The following AFF4 variants were observed in gnomAD, a reference collection of about 807,000 sequenced individuals.
AFF4 encodes ALF transcription elongation factor 4, also known as AF4/FMR2 family member 4.
In AFF4, 13 loss-of-function variants were observed where a neutral mutation model predicts 124.8. That is an observed-to-expected ratio of 0.10 (90% CI 0.07 to 0.17). AFF4 has a LOEUF of 0.17. AFF4 is among the 10% of genes least tolerant of loss of function. The pLI, the probability that AFF4 is intolerant of heterozygous loss-of-function variation, is 1.00. For synonymous variants in AFF4, 477 were observed against 496.1 expected, an observed-to-expected ratio of 0.96 and a Z score of 0.51; for missense variants, 1,092 against 1,403.8, an observed-to-expected ratio of 0.78 and a Z score of 3.55.
At chr5:132,890,340 G>C (rs571708950) in intron 13 of AFF4, among the ~76,000 whole-genome samples, 2 of 151,852 alleles carry the variant, frequency 1.3e-5, no homozygotes, top group Non-Finnish European at 2.9e-5. Context: ...TGCAATCATG[G>C]CTCACTGTGG....
chr5:132,920,490 G>C (rs1659055553), intron 5 of AFF4, among the ~76,000 whole-genome samples: 1 of 151,568 alleles, frequency 6.6e-6, no homozygotes, highest in South Asian at 2.1e-4. Flanking sequence ...CAAGTAGCTG[G>C]GACTATAGGT....
chr5:132,936,583 C>G (rs965965325), intron 2 of AFF4, among the ~76,000 whole-genome samples: 1 of 152,114 alleles, frequency 6.6e-6, no homozygotes, highest in Admixed American at 6.6e-5. Context: ...TGATATCACA[C>G]TTAAAGAACA....
At chr5:132,892,495 ATC>A in intron 12 of AFF4, 91 bp from the exon 13 acceptor site, 1 of 1,503,686 alleles carries the variant, frequency 6.7e-7, no homozygotes. Flanking sequence ...TTCAAGACAA[ATC>A]TGTTTTTCCC....
intron 1 of AFF4, chr5:132,945,536 G>C (rs1761677142): frequency 6.6e-6 from 1 of 152,294 alleles, no homozygotes; most frequent in Admixed American, 6.6e-5. Context: ...AGGATCACCT[G>C]AGATCAGGAG....
At chr5:132,946,187 A>G (rs910402318) in intron 1 of AFF4, among the ~76,000 whole-genome samples, 7 of 150,892 alleles carry the variant, frequency 4.6e-5, no homozygotes, top group Non-Finnish European at 1.0e-4. Context: ...GTGAGGATGC[A>G]GACAAATTGT....
chr5:132,930,932 C>CT (rs1332526173), intron 4 of AFF4, among the ~76,000 whole-genome samples: 2 of 90,312 alleles, frequency 2.2e-5, no homozygotes, highest in African/African-American at 3.6e-5. Flanking sequence ...CCTATCTCTA[C>CT]TAAAAAAAAA....
chr5:132,925,434 G>C (rs1761149231), intron 5 of AFF4, among the ~76,000 whole-genome samples: 1 of 151,842 alleles, frequency 6.6e-6, no homozygotes, highest in Non-Finnish European at 1.5e-5. Flanking sequence ...TATAAAGGAA[G>C]AGAAAGATAT....
chr5:132,955,793 A>AT (rs1386924435), intron 1 of AFF4, among the ~76,000 whole-genome samples: 184 of 136,256 alleles, frequency 1.4e-3, no homozygotes, highest in Middle Eastern at 0.011. Flanking sequence ...AAAAAAAAAA[A>AT]AAATATATAT....
chr5:132,948,032 G>C (rs768027555), intron 1 of AFF4, among the ~76,000 whole-genome samples: 11 of 151,648 alleles, frequency 7.3e-5, no homozygotes, highest in Non-Finnish European at 1.6e-4. Context: ...TTCTCAACTC[G>C]TCCCTCAAAG....
At chr5:132,912,205 C>A (rs1053502549) in intron 5 of AFF4, among the ~76,000 whole-genome samples, 9 of 149,304 alleles carry the variant, frequency 6.0e-5, no homozygotes, top group Admixed American at 5.4e-4. Context: ...TTTAGCAGGG[C>A]GTGGTGGCAG....
chr5:132,929,393 G>T (rs1355987406), intron 4 of AFF4, among the ~76,000 whole-genome samples: 1 of 152,122 alleles, frequency 6.6e-6, no homozygotes. Context: ...ATCATTAAAT[G>T]TAAGAAAATC....
intron 2 of AFF4, among the ~76,000 whole-genome samples, chr5:132,936,390 G>T (rs759347406): frequency 1.3e-5 from 2 of 150,510 alleles, no homozygotes; most frequent in Non-Finnish European, 2.9e-5. Flanking sequence ...GTTAGAAGCA[G>T]AAACAAAAAT....
At chr5:132,888,643 T>G (rs1001762983) in intron 14 of AFF4, among the ~76,000 whole-genome samples, 10 of 152,110 alleles carry the variant, frequency 6.6e-5, no homozygotes, top group Non-Finnish European at 5.9e-5. Flanking sequence ...CTTTTCAAAT[T>G]GAAACCTGAA....
chr5:132,889,866 C>T (rs1760210671), intron 13 of AFF4, among the ~76,000 whole-genome samples: 1 of 152,032 alleles, frequency 6.6e-6, no homozygotes, highest in South Asian at 2.1e-4. Context: ...AACTCCTAGG[C>T]TCAAGTGATC....
At chr5:132,928,342 C>T (rs1341614646) in intron 4 of AFF4, among the ~76,000 whole-genome samples, 1 of 152,142 alleles carries the variant, frequency 6.6e-6, no homozygotes, top group Non-Finnish European at 1.5e-5. Context: ...CACAACCTTG[C>T]ACAAAGGTCA....
chr5:132,891,444 G>A (rs1233635931), intron 13 of AFF4, among the ~76,000 whole-genome samples: 3 of 152,020 alleles, frequency 2.0e-5, no homozygotes, highest in Non-Finnish European at 4.4e-5. Context: ...CAAACAACCT[G>A]GTAAACAAAT....
At chr5:132,915,242 G>A (rs915688923) in intron 5 of AFF4, among the ~76,000 whole-genome samples, 27 of 152,048 alleles carry the variant, frequency 1.8e-4, no homozygotes, top group Admixed American at 6.5e-5. Context: ...TCAGGAGGCT[G>A]AGGCAGGAGA....
chr5:132,963,511 C>A lies in AFF4; in HGVS notation c.-257G>T. 1 of 398,014 alleles carries A rather than the reference C, an allele frequency of 2.5e-6. No individual in the cohort carries two copies. Among genetic ancestry groups the A allele is most frequent in the South Asian group, 1.3e-4 (1 of 7,856 alleles). The allele number at this position is 398,014 out of a possible 1,614,324, so 24.7% of individuals were successfully genotyped here. On this transcript the variant is annotated 5_prime_UTR_variant, in exon 1 of 21. Coordinates refer to ENST00000265343, the MANE Select transcript of AFF4 (RefSeq NM_014423.4). ...CGCACCGCTCCATGACGGTCGGGCC[C>A]GGGCTGGGACAGCTGACTGAGGCGG...
chr5:132,919,834 A>G (rs1761000232), intron 5 of AFF4, among the ~76,000 whole-genome samples: 1 of 152,034 alleles, frequency 6.6e-6, no homozygotes, highest in South Asian at 2.1e-4. Flanking sequence ...TGGGTGACAG[A>G]GTGAGACTCT....
Sources: allele counts gnomAD v4.1 joint callset (sites outside exome capture counted in the v4.1 genomes callset), GRCh38; gene constraint gnomAD v4.1.1; transcripts MANE v1.5; gene names NCBI Gene and HGNC (gene_info 2026-07-23, HGNC 2026-07-21).